Variants in DAP observed in about 807,000 individuals in gnomAD.
The protein encoded by DAP is death associated protein, also known as death-associated protein 1.
A neutral mutation model predicts 13.8 loss-of-function variants in DAP; 8 were observed. The observed-to-expected ratio is 0.58, with a 90% CI of 0.34 to 1.05. The LOEUF is 1.05. DAP is among the 50% of genes least tolerant of loss of function. The probability of loss-of-function intolerance (pLI) is 0.03; values close to 1 mark genes in which losing one functional copy is unlikely to be tolerated. For synonymous variants in DAP, 47 were observed against 47.5 expected, an observed-to-expected ratio of 0.99 and a Z score of 0.04; for missense variants, 106 against 133.2, an observed-to-expected ratio of 0.80 and a Z score of 1.01.
chr5:10,699,195 C>T (rs929587762), intron 2 of DAP, among the ~76,000 whole-genome samples: 6 of 152,186 alleles, frequency 3.9e-5, no homozygotes, highest in African/African-American at 1.4e-4. Context: ...TACCTACCTA[C>T]CTACTTACCT....
At chr5:10,758,952 T>C (rs1740267589) in intron 1 of DAP, among the ~76,000 whole-genome samples, 1 of 152,192 alleles carries the variant, frequency 6.6e-6, no homozygotes, top group Non-Finnish European at 1.5e-5. Context: ...TTTGGAAGGC[T>C]GAGGTGGGTG....
rs879648109 is a variant in DAP, at chr5:10,758,394, CTGTTGGCATT to C, written c.55+2610_55+2619del. Among the ~76,000 whole-genome samples the C allele has an allele frequency of 8.4e-4, 126 of 149,798 alleles. 1 individual carries two copies. Among genetic ancestry groups the C allele is most frequent in the Non-Finnish European group, 8.3e-4 (56 of 67,186 alleles). ...GGGTGCTGTTGGCATTTGAGGGGTG[CTGTTGGCATT>C]TGAGGGGTGCTGTTGGCATTTGAGG... On this transcript the variant is annotated intron_variant, in intron 1 of 3. Transcript: ENST00000230895.
chr5:10,693,465 C>CA (rs1738357443), intron 2 of DAP, among the ~76,000 whole-genome samples: 1 of 152,196 alleles, frequency 6.6e-6, no homozygotes, highest in Non-Finnish European at 1.5e-5. Flanking sequence ...TACTGTTTAT[C>CA]AATCACCACT....
intron 1 of DAP, among the ~76,000 whole-genome samples, chr5:10,748,508 T>C (rs1739968529): frequency 6.6e-6 from 1 of 152,220 alleles, no homozygotes; most frequent in Non-Finnish European, 1.5e-5. Context: ...CTCTTGTTTT[T>C]CTATCTGGTC....
Position 10,697,548 on chromosome 5 carries a change from T to C in DAP, c.153-13977A>G, listed in dbSNP as rs192474948. Among the ~76,000 whole-genome samples the C allele has an allele frequency of 2.0e-5, 3 of 152,346 alleles. No individual in the cohort carries two copies. The East Asian group carries it at 5.8e-4, about 29-fold the overall frequency. On this transcript the variant is annotated intron_variant, in intron 2 of 3. Coordinates refer to ENST00000230895, the MANE Select transcript of DAP (RefSeq NM_004394.3). ...ATCACTCTATTTATTGTCTATATTT[T>C]GAAATGCAATCTTCAGGCTCAAGGG...
rs1737968200 is a variant in DAP at position 10,680,857 on chromosome 5, A to G, written c.*199T>C. ...AATGATCCTCAAATGACATCCAACC[A>G]GACTCCCCATAAACAAGGTTTGGGC... On this transcript the variant is annotated 3_prime_UTR_variant, in exon 4 of 4. Coordinates refer to ENST00000230895, the MANE Select transcript of DAP (RefSeq NM_004394.3). The G allele has an allele frequency of 6.5e-7, 1 of 1,536,978 alleles. No homozygotes were observed. Among genetic ancestry groups the G allele is most frequent in the East Asian group, 2.4e-5 (1 of 41,066 alleles).
At chr5:10,744,426 C>A (rs901977550) in intron 2 of DAP, among the ~76,000 whole-genome samples, 2 of 152,174 alleles carry the variant, frequency 1.3e-5, no homozygotes, top group African/African-American at 4.8e-5. Flanking sequence ...CCAGCCTAGT[C>A]CCCTGAAACC....
intron 2 of DAP, among the ~76,000 whole-genome samples, chr5:10,704,682 T>C (rs1363719652): frequency 6.6e-6 from 1 of 152,148 alleles, no homozygotes; most frequent in Non-Finnish European, 1.5e-5. Context: ...AATTGTATCT[T>C]GGTCTTTTCT....
chr5:10,760,953 C>G lies in DAP; in HGVS notation c.55+61G>C, dbSNP rs941968649. The stretch of plus-strand genomic sequence containing the variant: ...CTCCCCGCGGAGCCCCCGCCCGGCG[C>G]CCCCGGGTTCGAGCCCGCCCCCGGC... On this transcript the variant is annotated intron_variant, in intron 1 of 3. Transcript: ENST00000230895. 2.8e-4 allele frequency: 303 copies of G among 1,092,230 alleles called. 1 individual carries two copies. The highest frequency in any genetic ancestry group is 2.1e-4 in the Non-Finnish European group (178 of 865,690). The allele number at this position is 1,092,230 out of a possible 1,614,324, so 67.7% of individuals were successfully genotyped here.
intron 2 of DAP, among the ~76,000 whole-genome samples, chr5:10,702,370 T>C (rs1738600343): frequency 6.6e-6 from 1 of 152,168 alleles, no homozygotes; most frequent in Admixed American, 6.5e-5. Flanking sequence ...CTCAAAGGCT[T>C]GCAAAAGAGG....
intron 2 of DAP, among the ~76,000 whole-genome samples, chr5:10,737,745 T>C (rs1043971128): frequency 6.6e-6 from 1 of 152,256 alleles, no homozygotes; most frequent in African/African-American, 2.4e-5. Flanking sequence ...CCATTTGGCA[T>C]CTGCTACGGG....
At chr5:10,760,944 C>T in intron 1 of DAP, 70 bp downstream of exon 1, 1 of 1,041,408 alleles carries the variant, frequency 9.6e-7, no homozygotes, top group Non-Finnish European at 1.2e-6. Flanking sequence ...GCGGAGCCCC[C>T]GCCCGGCGCC....
At chr5:10,693,690 A>C (rs1227548888) in intron 2 of DAP, among the ~76,000 whole-genome samples, 1 of 149,456 alleles carries the variant, frequency 6.7e-6, no homozygotes, top group Non-Finnish European at 1.5e-5. Flanking sequence ...CTCCAAGCCC[A>C]GTCCCCTCAT....
intron 1 of DAP, among the ~76,000 whole-genome samples, chr5:10,753,013 C>A (rs540782028): frequency 1.1e-4 from 17 of 152,332 alleles, no homozygotes; most frequent in Non-Finnish European, 1.8e-4. Context: ...CGCTGCCCTA[C>A]GGGTTGCTGG....
At position 10,739,314 on chromosome 5, in the gene DAP, C is replaced by CT. The variant is rs200679726; in HGVS notation, c.152+8860dup. ...AGGGGTAGATGGGATTTTTTTAGTACTTTTTTTTTTTGGCAATTTTTCTGT... is the reference window on the plus strand; with the variant it reads ...AGGGGTAGATGGGATTTTTTTAGTACTTTTTTTTTTTTGGCAATTTTTCTGT... On this transcript the variant is annotated intron_variant, in intron 2 of 3. Coordinates refer to ENST00000230895, the MANE Select transcript of DAP (RefSeq NM_004394.3). 3.8e-3 allele frequency among the ~76,000 whole-genome samples: 516 copies of CT among 135,486 alleles called. 1 individual carries two copies. The highest frequency in any genetic ancestry group is 0.011 in the Middle Eastern group (3 of 270). 88.9% of individuals were successfully genotyped at this position (135,486 alleles called of 152,430 possible).
intron 2 of DAP, among the ~76,000 whole-genome samples, chr5:10,724,279 T>G (rs890720238): frequency 2.0e-5 from 3 of 152,224 alleles, no homozygotes; most frequent in Non-Finnish European, 4.4e-5. Flanking sequence ...TCCTTTCTTA[T>G]TTTCTCCAGA....
intron 1 of DAP, among the ~76,000 whole-genome samples, chr5:10,751,252 TA>T (rs1185315919): frequency 2.0e-5 from 3 of 152,144 alleles, no homozygotes; most frequent in African/African-American, 7.2e-5. Context: ...CAAATTCTTT[TA>T]AAAAAGCAAA....
intron 1 of DAP, among the ~76,000 whole-genome samples, chr5:10,752,848 A>G (rs1740080085): frequency 6.6e-6 from 1 of 152,230 alleles, no homozygotes; most frequent in African/African-American, 2.4e-5. Flanking sequence ...TGCCTCCAAC[A>G]GGACCTGGCA....
At chr5:10,686,214 GTCTC>G (rs1447608898) in intron 2 of DAP, among the ~76,000 whole-genome samples, 1 of 152,194 alleles carries the variant, frequency 6.6e-6, no homozygotes, top group East Asian at 1.9e-4. Context: ...GCCATTCCCT[GTCTC>G]TCTCCTTCTC....
Sources: gnomAD v4.1 joint callset for allele counts (sites outside exome capture counted in the v4.1 genomes callset) on GRCh38, gnomAD v4.1.1 for gene constraint, MANE v1.5 for transcripts, NCBI Gene and HGNC (gene_info 2026-07-23, HGNC 2026-07-21) for gene names.